CUX2: variants seen among roughly 807,000 people sequenced by gnomAD.
The protein encoded by CUX2 is cut like homeobox 2, also known as homeobox protein cut-like 2.
In CUX2, 40 loss-of-function variants were observed where a neutral mutation model predicts 144.8. The observed-to-expected ratio is 0.28, with a 90% CI of 0.21 to 0.36. The LOEUF is 0.36. CUX2 is among the 10% of genes least tolerant of loss of function. The probability of loss-of-function intolerance (pLI) is 1.00; values close to 1 mark genes in which losing one functional copy is unlikely to be tolerated. For synonymous variants in CUX2, 827 were observed against 875.6 expected (o/e 0.94, Z 0.98); for missense variants, 1,615 against 1,994.0 (o/e 0.81, Z 3.62).
intron 1 of CUX2, among the ~76,000 whole-genome samples, chr12:111,140,069 C>T (rs1876200947): frequency 6.6e-6 from 1 of 152,168 alleles, no homozygotes; most frequent in African/African-American, 2.4e-5. Context: ...TTGGCATTTC[C>T]AGTAACTTCT....
chr12:111,107,078 C>T (rs982327847), intron 1 of CUX2, among the ~76,000 whole-genome samples: 7 of 152,228 alleles, frequency 4.6e-5, no homozygotes, highest in South Asian at 2.1e-4. Context: ...CCAGGCATTG[C>T]GTTAACTTAT....
intron 1 of CUX2, among the ~76,000 whole-genome samples, chr12:111,189,278 A>G (rs899755938): frequency 1.5e-4 from 23 of 152,170 alleles, no homozygotes; most frequent in Admixed American, 6.5e-5. Context: ...TCTCAAAAAG[A>G]AAAAAGAAAC....
chr12:111,101,467 CT>C (rs1370527242), intron 1 of CUX2, among the ~76,000 whole-genome samples: 1 of 152,230 alleles, frequency 6.6e-6, no homozygotes, highest in Admixed American at 6.5e-5. Flanking sequence ...GAGGAACCTC[CT>C]TTTGATCTCT....
At chr12:111,273,896 C>G (rs1884739329) in intron 4 of CUX2, among the ~76,000 whole-genome samples, 1 of 152,164 alleles carries the variant, frequency 6.6e-6, no homozygotes. Context: ...AAACATGGTG[C>G]CCAGCAGTCA....
chr12:111,187,281 C>T (rs1020968337), intron 1 of CUX2, among the ~76,000 whole-genome samples: 2 of 152,196 alleles, frequency 1.3e-5, no homozygotes, highest in African/African-American at 2.4e-5. Context: ...TTCCCTTGCT[C>T]GTGACTCCTG....
intron 1 of CUX2, among the ~76,000 whole-genome samples, chr12:111,198,195 C>A (rs1880357484): frequency 6.6e-6 from 1 of 152,048 alleles, no homozygotes; most frequent in African/African-American, 2.4e-5. Context: ...TCTATTAAGG[C>A]CAGGTGCGGG....
At chr12:111,244,385 C>T (rs1173157309) in intron 3 of CUX2, among the ~76,000 whole-genome samples, 1 of 152,248 alleles carries the variant, frequency 6.6e-6, no homozygotes, top group Non-Finnish European at 1.5e-5. Flanking sequence ...GTCCCGTCCT[C>T]TGGGAAGCCC....
At position 111,347,628 on chromosome 12, in the gene CUX2, A is replaced by ACCCC; in HGVS notation, c.3765_3768dup (p.Thr1257ProfsTer7). On this transcript the variant is annotated frameshift_variant, in exon 22 of 22. Transcript: ENST00000261726. LOFTEE classifies it low-confidence loss of function (END_TRUNC). The stretch of plus-strand genomic sequence containing the variant: ...CTACCGCCAGGCCACTCCCACCCAG[A>ACCCC]CCCCACCCCGCAGAGCCCTGACTCT... 6.8e-7 allele frequency: 1 copy of ACCCC among 1,476,868 alleles called. No individual in the cohort carries two copies. The highest frequency in any genetic ancestry group is 9.3e-7 in the Non-Finnish European group (1 of 1,071,114). The allele number at this position is 1,476,868 out of a possible 1,614,324, so 91.5% of individuals were successfully genotyped here.
intron 1 of CUX2, among the ~76,000 whole-genome samples, chr12:111,133,821 G>T (rs187081933): frequency 6.6e-6 from 1 of 152,128 alleles, no homozygotes; most frequent in South Asian, 2.1e-4. Context: ...TCAGTAGGAC[G>T]TGGAGAGGCC....
intron 1 of CUX2, among the ~76,000 whole-genome samples, chr12:111,095,146 TG>T (rs1426874700): frequency 6.6e-6 from 1 of 152,048 alleles, no homozygotes; most frequent in East Asian, 1.9e-4. Flanking sequence ...TTTCCTGGGG[TG>T]GGAACAGCTG....
At chr12:111,264,901 G>T (rs1196657804) in intron 4 of CUX2, among the ~76,000 whole-genome samples, 5 of 151,916 alleles carry the variant, frequency 3.3e-5, no homozygotes, top group Admixed American at 3.3e-4. Flanking sequence ...GATAAGAGTC[G>T]ATTGTTGGTT....
At chr12:111,049,969 C>T (rs1870183156) in intron 1 of CUX2, among the ~76,000 whole-genome samples, 1 of 152,120 alleles carries the variant, frequency 6.6e-6, no homozygotes, top group Non-Finnish European at 1.5e-5. Flanking sequence ...GAAATGGTTC[C>T]ACCCACCTAT....
At chr12:111,091,049 C>T (rs754771274) in intron 1 of CUX2, among the ~76,000 whole-genome samples, 4 of 152,178 alleles carry the variant, frequency 2.6e-5, no homozygotes, top group Non-Finnish European at 5.9e-5. Flanking sequence ...TGCCCGGCTG[C>T]GCCGTGTCCT....
Position 111,310,397 on chromosome 12 carries a change from G to T in CUX2, c.1615G>T (p.Gly539Cys). 1 of 1,608,386 alleles carries T rather than the reference G, an allele frequency of 6.2e-7. No homozygotes were observed. Among genetic ancestry groups the T allele is most frequent in the Non-Finnish European group, 8.5e-7 (1 of 1,176,988 alleles). The change falls in exon 15 of 22, where the codon GGT becomes TGT. Residue 539 changes from glycine to cysteine, a missense_variant. Physicochemically the swap from Gly to Cys is radical, Grantham distance 159. Coordinates refer to ENST00000261726, the MANE Select transcript of CUX2 (RefSeq NM_015267.4). The surrounding 1 kb of genome is among the most constrained non-coding windows in gnomAD (Gnocchi z 7.9). Reference protein sequence around the residue: ...PLGGPEPADGGGGGAAGPGAE... With the variant: ...PLGGPEPADGCGGGAAGPGAE... ...GGGCGGTCCTGAGCCCGCGGATGGT[G>T]GTGGGGGCGGAGCGGCGGGGCCCGG...
At chr12:111,084,122 GA>G (rs1319338002) in intron 1 of CUX2, among the ~76,000 whole-genome samples, 3 of 152,218 alleles carry the variant, frequency 2.0e-5, no homozygotes, top group Non-Finnish European at 4.4e-5. Flanking sequence ...ACCAGAGGCA[GA>G]TAGAGCCCTG....
chr12:111,341,724 G>C, intron 20 of CUX2, 56 bp from the exon 21 acceptor site: 1 of 1,515,886 alleles, frequency 6.6e-7, no homozygotes, highest in Non-Finnish European at 8.8e-7. Context: ...CTGCTGGCCA[G>C]GAACTTTTGG....
At chr12:111,217,292 C>A (rs908492203) in intron 2 of CUX2, among the ~76,000 whole-genome samples, 1 of 152,238 alleles carries the variant, frequency 6.6e-6, no homozygotes, top group South Asian at 2.1e-4. Flanking sequence ...CCAGCCTAGA[C>A]TGCAGAAACT....
intron 1 of CUX2, among the ~76,000 whole-genome samples, chr12:111,149,948 C>A (rs944914618): frequency 6.6e-6 from 1 of 152,200 alleles, no homozygotes; most frequent in Non-Finnish European, 1.5e-5. Flanking sequence ...TCTGCACACA[C>A]AGTGGAATTG....
intron 3 of CUX2, among the ~76,000 whole-genome samples, chr12:111,253,570 A>G (rs1883674648): frequency 6.6e-6 from 1 of 151,922 alleles, no homozygotes. Context: ...ATTCTCTTTC[A>G]TGATTTATTT....
Sources: allele counts gnomAD v4.1 joint callset (sites outside exome capture counted in the v4.1 genomes callset), GRCh38; gene constraint gnomAD v4.1.1; non-coding constraint Gnocchi (gnomAD v3.1); transcripts MANE v1.5; gene names NCBI Gene and HGNC (gene_info 2026-07-23, HGNC 2026-07-21).